Variants in MRPL14 observed in about 807,000 individuals in gnomAD.
MRPL14 encodes the protein mitochondrial ribosomal protein L14, also known as large ribosomal subunit protein uL14m.
Under a neutral mutation model 10.9 loss-of-function variants are expected in MRPL14, and 8 were observed. That is an observed-to-expected ratio of 0.74 (90% CI 0.43 to 1.33). The LOEUF (loss-of-function observed/expected upper bound fraction) is 1.33, where lower values mean the gene tolerates loss of function less well. Among genes scored for constraint, MRPL14 ranks in the 40% most tolerant of loss-of-function variants. MRPL14 has a pLI of 0.01. For missense variants in MRPL14, 179 were observed against 194.5 expected (o/e 0.92, Z 0.47); for synonymous variants, 82 against 74.1 (o/e 1.11, Z -0.54).
rs945261321 is a variant in MRPL14 at position 44,113,622 on chromosome 6, C to A, written c.*221G>T. On this transcript the variant is annotated 3_prime_UTR_variant, in exon 3 of 3. Transcript: ENST00000372014. ...GAATGCTACCCCGTGTGGCCAGACTCGGGTAAGCCACCTTTCAACTGCTTC... is the reference window on the plus strand; with the variant it reads ...GAATGCTACCCCGTGTGGCCAGACTAGGGTAAGCCACCTTTCAACTGCTTC... 1.9e-5 allele frequency: 9 copies of A among 465,688 alleles called. No homozygotes were observed. Among genetic ancestry groups the A allele is most frequent in the Admixed American group, 1.2e-4 (3 of 25,768 alleles). 28.8% of individuals were successfully genotyped at this position (465,688 alleles called of 1,614,324 possible). A position where few individuals can be genotyped will look rare whatever the true frequency, so the allele number is the denominator to read the frequency against.
chr6:44,126,012 C>T (rs1036973564), intron 1 of MRPL14, among the ~76,000 whole-genome samples: 2 of 152,212 alleles, frequency 1.3e-5, no homozygotes, highest in Admixed American at 6.5e-5. Flanking sequence ...GAACAGTGAA[C>T]TGTCTTTCGT....
chr6:44,113,758 T>G lies in MRPL14; in HGVS notation c.*85A>C. ...TTACCCAGTGTGAAGGGAGCAGCCA[T>G]GTGGCTCCCAAGCTCCCTTAGCAAA... On this transcript the variant is annotated 3_prime_UTR_variant, in exon 3 of 3. Coordinates refer to ENST00000372014, the MANE Select transcript of MRPL14 (RefSeq NM_032111.4). 3.5e-6 allele frequency: 5 copies of G among 1,419,710 alleles called. No homozygotes were observed. In the East Asian group the frequency reaches 9.2e-5, roughly 26 times the overall value. The allele number at this position is 1,419,710 out of a possible 1,614,324, so 87.9% of individuals were successfully genotyped here.
chr6:44,115,642 T>C (rs1775771874), intron 2 of MRPL14, among the ~76,000 whole-genome samples: 3 of 152,168 alleles, frequency 2.0e-5, no homozygotes, highest in Admixed American at 2.0e-4. Flanking sequence ...CTCTTTAGAA[T>C]ATAAAAGTGA....
intron 1 of MRPL14, among the ~76,000 whole-genome samples, chr6:44,126,620 G>T (rs1777085805): frequency 6.6e-6 from 1 of 152,048 alleles, no homozygotes; most frequent in Non-Finnish European, 1.5e-5. Context: ...ATTCAGTCCC[G>T]TCCGTCTCTT....
intron 1 of MRPL14, among the ~76,000 whole-genome samples, chr6:44,124,403 A>G (rs375308730): frequency 6.6e-6 from 1 of 152,376 alleles, no homozygotes; most frequent in East Asian, 1.9e-4. Context: ...GTAAGGGATC[A>G]TTTTAATGTG....
chr6:44,126,537 T>C (rs1777072456), intron 1 of MRPL14, among the ~76,000 whole-genome samples: 1 of 152,066 alleles, frequency 6.6e-6, no homozygotes, highest in Non-Finnish European at 1.5e-5. Context: ...TGAGAGTTAA[T>C]TATCTCCCAA....
At chr6:44,118,670 A>G (rs1257349786) in intron 1 of MRPL14, among the ~76,000 whole-genome samples, 1 of 152,170 alleles carries the variant, frequency 6.6e-6, no homozygotes, top group African/African-American at 2.4e-5. Flanking sequence ...TTACTATCTC[A>G]TTTAAACCTC....
chr6:44,116,901 C>T (rs141653699), intron 1 of MRPL14, among the ~76,000 whole-genome samples: 4 of 152,302 alleles, frequency 2.6e-5, no homozygotes, highest in African/African-American at 7.2e-5. Context: ...GAATGCCTTC[C>T]TTATTATATC....
At chr6:44,127,168 ACCCCCCTCCCCGTCG>A (rs1777213784) in intron 1 of MRPL14, 161 bp downstream of exon 1, 6 of 79,416 alleles carry the variant, frequency 7.6e-5, no homozygotes, top group African/African-American at 2.7e-4. Context: ...CCCCGTCGGG[ACCCCCCTCCCCGTCG>A]GGACCCCCCC....
chr6:44,117,840 G>GGT lies in MRPL14; in HGVS notation c.-18-1212_-18-1211insAC, dbSNP rs1250385139. 2.9e-3 allele frequency among the ~76,000 whole-genome samples: 221 copies of GGT among 75,376 alleles called. 5 individuals carry two copies. Among genetic ancestry groups the GGT allele is most frequent in the African/African-American group, 0.011 (216 of 18,980 alleles). 49.4% of individuals were successfully genotyped at this position (75,376 alleles called of 152,430 possible). ...CCAGGACGCCTGGCTAATTTTTTGT[G>GGT]TTTTTTTTTTTTTTTTTTTTTTTTT... On this transcript the variant is annotated intron_variant, in intron 1 of 2. Transcript: ENST00000372014.
chr6:44,121,556 C>T (rs941897961), intron 1 of MRPL14, among the ~76,000 whole-genome samples: 17 of 152,208 alleles, frequency 1.1e-4, no homozygotes, highest in African/African-American at 4.1e-4. Flanking sequence ...AGAGCAGGGA[C>T]CAGCCCTTGC....
At chr6:44,117,840 G>GTTTTTTTTTT (rs56204643) in intron 1 of MRPL14, among the ~76,000 whole-genome samples, 1 of 75,364 alleles carries the variant, frequency 1.3e-5, no homozygotes, top group Non-Finnish European at 2.4e-5. Context: ...AATTTTTTGT[G>GTTTTTTTTTT]TTTTTTTTTT....
chr6:44,125,066 T>C (rs1202991194), intron 1 of MRPL14, among the ~76,000 whole-genome samples: 4 of 152,204 alleles, frequency 2.6e-5, no homozygotes, highest in African/African-American at 9.7e-5. Context: ...ACCTGAAAAG[T>C]GGACTCCAGG....
At chr6:44,115,881 C>T (rs933957767) in intron 2 of MRPL14, among the ~76,000 whole-genome samples, 3 of 152,230 alleles carry the variant, frequency 2.0e-5, no homozygotes, top group South Asian at 2.1e-4. Flanking sequence ...TCCTATATGA[C>T]GCCTTCCAAA....
chr6:44,125,705 T>C (rs181955202), intron 1 of MRPL14, among the ~76,000 whole-genome samples: 2 of 116,010 alleles, frequency 1.7e-5, no homozygotes, highest in African/African-American at 6.2e-5. Context: ...TCCTCAGAAA[T>C]CCAAAAACCA....
intron 1 of MRPL14, among the ~76,000 whole-genome samples, chr6:44,123,395 CCTT>C (rs1204682068): frequency 6.6e-6 from 1 of 152,190 alleles, no homozygotes; most frequent in Non-Finnish European, 1.5e-5. Context: ...GGCAAGTACA[CCTT>C]CTCCTTTGGC....
At chr6:44,127,167 G>GACCCCCCTCCCCGTCGGGA in intron 1 of MRPL14, 177 bp downstream of exon 1, 1 of 86,450 alleles carries the variant, frequency 1.2e-5, no homozygotes, top group Non-Finnish European at 2.7e-5. Flanking sequence ...TCCCCGTCGG[G>GACCCCCCTCCCCGTCGGGA]ACCCCCCTCC....
At chr6:44,122,920 T>G (rs772018179) in intron 1 of MRPL14, among the ~76,000 whole-genome samples, 12 of 152,240 alleles carry the variant, frequency 7.9e-5, no homozygotes, top group Non-Finnish European at 1.6e-4. Context: ...TCCTCAATCA[T>G]TCTGGACCAA....
chr6:44,115,735 C>T (rs1014520407), intron 2 of MRPL14, among the ~76,000 whole-genome samples: 9 of 152,166 alleles, frequency 5.9e-5, no homozygotes, highest in Non-Finnish European at 1.3e-4. Context: ...CCACTCTGGG[C>T]AGGAGAACCA....
Sources: allele counts gnomAD v4.1 joint callset (sites outside exome capture counted in the v4.1 genomes callset), GRCh38; gene constraint gnomAD v4.1.1; transcripts MANE v1.5; gene names NCBI Gene and HGNC (gene_info 2026-07-23, HGNC 2026-07-21).